The following MEGF10 variants were observed in gnomAD, a reference collection of about 807,000 sequenced individuals.
The protein encoded by MEGF10 is multiple EGF like domains 10.
Under a neutral mutation model 147.5 loss-of-function variants are expected in MEGF10, and 86 were observed. The ratio of observed to expected loss-of-function variants is 0.58; its 90% confidence interval spans 0.49 to 0.70. The LOEUF (loss-of-function observed/expected upper bound fraction) is 0.70, where lower values mean the gene tolerates loss of function less well. MEGF10 is among the 30% of genes least tolerant of loss of function. The pLI is 0.00. For synonymous variants in MEGF10, 478 were observed against 525.5 expected (o/e 0.91, Z 1.24); for missense variants, 1,329 against 1,487.3 (o/e 0.89, Z 1.75).
chr5:127,345,500 A>G (rs887536669), intron 4 of MEGF10, among the ~76,000 whole-genome samples: 5 of 152,180 alleles, frequency 3.3e-5, no homozygotes, highest in Non-Finnish European at 5.9e-5. Flanking sequence ...TTAGAATGTG[A>G]TTAGAAAAAA....
intron 13 of MEGF10, chr5:127,424,343 GT>G (rs1765136484): frequency 1.4e-6 from 1 of 712,422 alleles, no homozygotes; most frequent in Non-Finnish European, 2.5e-6. Context: ...TTTCAGGATT[GT>G]TTTGACTATT....
chr5:127,417,358 C>A lies in MEGF10; in HGVS notation c.1131-280C>A, dbSNP rs79655685. 0.026 allele frequency among the ~76,000 whole-genome samples: 3,896 copies of A among 152,200 alleles called. 174 individuals are homozygous for A. The highest frequency in any genetic ancestry group is 0.088 in the African/African-American group (3,673 of 41,526). On this transcript the variant is annotated intron_variant, in intron 9 of 24. Coordinates refer to ENST00000503335, the MANE Select transcript of MEGF10 (RefSeq NM_001256545.2). ...TGACCTCTTACAAAATTAGTGCATT[C>A]AATTTAAGAGAATTAAAAAGAATTT... is the stretch of plus-strand genomic sequence containing the variant.
chr5:127,443,209 G>A (rs1765821271), intron 19 of MEGF10, 83 bp downstream of exon 19: 2 of 1,377,016 alleles, frequency 1.5e-6, no homozygotes, highest in Admixed American at 2.7e-5. Context: ...TTTCACTTAT[G>A]TTATCCAGCA....
the MEGF10 span, among the ~76,000 whole-genome samples, chr5:127,257,375 T>C: frequency 1.3e-5 from 2 of 151,822 alleles, no homozygotes; most frequent in Admixed American, 6.6e-5. Flanking sequence ...TCCTGGTTCT[T>C]TGGGAAAGAA....
chr5:127,312,900 T>C (rs1442209264), intron 1 of MEGF10, among the ~76,000 whole-genome samples: 1 of 152,194 alleles, frequency 6.6e-6, no homozygotes, highest in African/African-American at 2.4e-5. Context: ...ATAAATTATC[T>C]TGAAAAAAAT....
intron 21 of MEGF10, 120 bp downstream of exon 21, chr5:127,447,804 T>A: frequency 2.4e-6 from 3 of 1,261,960 alleles, no homozygotes; most frequent in Non-Finnish European, 3.2e-6. Context: ...TATTATCTAA[T>A]TTATTCCTCT....
upstream of MEGF10, among the ~76,000 whole-genome samples, chr5:127,290,511 G>A (rs1323295875): frequency 6.6e-6 from 1 of 152,144 alleles, no homozygotes; most frequent in East Asian, 1.9e-4. Flanking sequence ...ACACCCCTTC[G>A]GTCACCCCCT....
rs1766504200 is a variant in MEGF10, at chr5:127,459,970, C to G, written c.*2652C>G. The G allele has an allele frequency of 6.6e-6, 1 of 152,140 alleles. No homozygotes were observed. The highest frequency in any genetic ancestry group is 2.1e-4 in the South Asian group (1 of 4,822). 9.4% of individuals were successfully genotyped at this position (152,140 alleles called of 1,614,324 possible). A position where few individuals can be genotyped will look rare whatever the true frequency, so the allele number is the denominator to read the frequency against. ...AACAAAAGAATCTTGGCAAAATTTT[C>G]CCTCTGAAATTACAAACTTTAGGAA... On this transcript the variant is annotated 3_prime_UTR_variant, in exon 25 of 25. Coordinates refer to ENST00000503335, the MANE Select transcript of MEGF10 (RefSeq NM_001256545.2).
chr5:127,340,858 T>G (rs1031838453), intron 4 of MEGF10, among the ~76,000 whole-genome samples: 3 of 152,172 alleles, frequency 2.0e-5, no homozygotes, highest in African/African-American at 7.2e-5. Context: ...AAAACAGCTG[T>G]TACAGAAAGA....
At chr5:127,408,207 A>G (rs1292285765) in intron 8 of MEGF10, among the ~76,000 whole-genome samples, 2 of 152,240 alleles carry the variant, frequency 1.3e-5, no homozygotes, top group Admixed American at 6.5e-5. Flanking sequence ...TCCGATCTAT[A>G]CTACTTTCAA....
the MEGF10 span, among the ~76,000 whole-genome samples, chr5:127,281,576 G>C: frequency 6.6e-5 from 10 of 152,112 alleles, no homozygotes; most frequent in South Asian, 2.1e-3. Context: ...CTTCTCTCCT[G>C]CTCCTCTGCT....
At position 127,457,360 on chromosome 5, in the gene MEGF10, A is replaced by T. The variant is rs1167286919; in HGVS notation, c.*42A>T. On this transcript the variant is annotated 3_prime_UTR_variant, in exon 25 of 25. Transcript: ENST00000503335. ...GGTAGCCACTGGAACCCTTTCCAGA[A>T]CTGCTGTTTGGTTCTTCTCCATCCT... 1 of 1,581,946 alleles carries T rather than the reference A, an allele frequency of 6.3e-7. No individual in the cohort carries two copies. The highest frequency in any genetic ancestry group is 8.6e-7 in the Non-Finnish European group (1 of 1,166,464).
chr5:127,273,817 T>C, the MEGF10 span, among the ~76,000 whole-genome samples: 1 of 152,276 alleles, frequency 6.6e-6, no homozygotes, highest in Non-Finnish European at 1.5e-5. Flanking sequence ...TACCTACTTA[T>C]GTACAGGCAG....
Position 127,410,445 on chromosome 5 carries a change from A to G in MEGF10, c.974A>G (p.Gln325Arg), listed in dbSNP as rs764333715. 2.2e-5 allele frequency: 36 copies of G among 1,614,122 alleles called. No individual in the cohort carries two copies. Among genetic ancestry groups the G allele is most frequent in the Non-Finnish European group, 2.9e-5 (34 of 1,180,050 alleles). The change falls in exon 9 of 25, where the codon CAG (glutamine) becomes CGG (arginine). Residue 325 changes from glutamine to arginine, a missense_variant. Transcript: ENST00000503335. Reference sequence around the variant, plus strand: ...GGCGTTCTCTGTGCTGAGACCTGCCAGTGTGTCAACGGAGGGAAGTGTTAC... The same window carrying G: ...GGCGTTCTCTGTGCTGAGACCTGCCGGTGTGTCAACGGAGGGAAGTGTTAC... The part of the protein sequence containing the change: ...TYGVLCAETC[Q>R]CVNGGKCYHV...
chr5:127,419,437 GAA>G (rs1764900917), intron 11 of MEGF10, among the ~76,000 whole-genome samples, 197 bp downstream of exon 11: 1 of 152,188 alleles, frequency 6.6e-6, no homozygotes, highest in Non-Finnish European at 1.5e-5. Flanking sequence ...GATGATCTCT[GAA>G]GTCACTGCCA....
At chr5:127,380,979 T>C (rs1187723073) in intron 5 of MEGF10, among the ~76,000 whole-genome samples, 1 of 152,218 alleles carries the variant, frequency 6.6e-6, no homozygotes, top group Non-Finnish European at 1.5e-5. Flanking sequence ...GAAAAAATTA[T>C]AATGTAAACA....
At chr5:127,356,071 T>C (rs1485240781) in intron 4 of MEGF10, among the ~76,000 whole-genome samples, 1 of 152,246 alleles carries the variant, frequency 6.6e-6, no homozygotes, top group Non-Finnish European at 1.5e-5. Context: ...CAATTTTTAT[T>C]GTACTATGGT....
At chr5:127,440,334 C>T (rs1455893780) in intron 17 of MEGF10, among the ~76,000 whole-genome samples, 3 of 152,132 alleles carry the variant, frequency 2.0e-5, no homozygotes, top group African/African-American at 7.2e-5. Context: ...CAAGTAAAAG[C>T]ATACAGGTAA....
rs756512296 is a variant in MEGF10, at chr5:127,422,823, C to G, written c.1693+51C>G. 1.2e-5 allele frequency: 16 copies of G among 1,329,338 alleles called. No individual in the cohort carries two copies. The East Asian group carries it at 3.1e-4, about 25-fold the overall frequency. 82.3% of individuals were successfully genotyped at this position (1,329,338 alleles called of 1,614,324 possible). On this transcript the variant is annotated intron_variant, in intron 13 of 24. Transcript: ENST00000503335. ...AAGGTGAAACCCGCCAATTTAACACCTAGTGCTGTTCCTTATCACTTCACA... is the reference window on the plus strand; with the variant it reads ...AAGGTGAAACCCGCCAATTTAACACGTAGTGCTGTTCCTTATCACTTCACA...
Sources: allele counts gnomAD v4.1 joint callset (sites outside exome capture counted in the v4.1 genomes callset), GRCh38; gene constraint gnomAD v4.1.1; transcripts MANE v1.5; gene names NCBI Gene and HGNC (gene_info 2026-07-23, HGNC 2026-07-21).